EYS: variants seen among roughly 807,000 people sequenced by gnomAD.
EYS encodes the protein protein eyes shut homolog.
Under a neutral mutation model 282.1 loss-of-function variants are expected in EYS, and 250 were observed. The observed-to-expected ratio is 0.89, with a 90% CI of 0.80 to 0.98. EYS has a LOEUF of 0.98. Ranked by LOEUF, EYS falls within the 50% of genes least tolerant of loss-of-function variation. EYS has a pLI of 0.00. For missense variants in EYS, 4,016 were observed against 3,709.0 expected (o/e 1.08, Z -2.15); for synonymous variants, 1,355 against 1,282.9 (o/e 1.06, Z -1.20).
chr6:64,900,387 G>A (rs186408973), intron 18 of EYS, among the ~76,000 whole-genome samples: 39 of 152,094 alleles, frequency 2.6e-4, no homozygotes, highest in African/African-American at 7.7e-4. Flanking sequence ...AAATGGGATC[G>A]AATTAAACTA....
intron 30 of EYS, among the ~76,000 whole-genome samples, chr6:64,232,640 C>G (rs1221215098): frequency 6.6e-6 from 1 of 151,870 alleles, no homozygotes; most frequent in Non-Finnish European, 1.5e-5. Context: ...ATCCACCAGC[C>G]TCGGCCCCCC....
chr6:65,313,335 G>C (rs1450389859), intron 11 of EYS, among the ~76,000 whole-genome samples: 1 of 151,588 alleles, frequency 6.6e-6, no homozygotes, highest in Non-Finnish European at 1.5e-5. Flanking sequence ...TTAGAGTAAA[G>C]AAGTGACCCG....
chr6:64,461,504 AAC>A (rs1775745848), intron 26 of EYS, among the ~76,000 whole-genome samples: 1 of 152,200 alleles, frequency 6.6e-6, no homozygotes, highest in Non-Finnish European at 1.5e-5. Flanking sequence ...TATATATGGT[AAC>A]AGTCTGGTGG....
At chr6:65,220,001 G>A (rs1030370726) in intron 12 of EYS, among the ~76,000 whole-genome samples, 1 of 152,016 alleles carries the variant, frequency 6.6e-6, no homozygotes, top group African/African-American at 2.4e-5. Flanking sequence ...AGATTTGAGG[G>A]GGAGGCATAA....
chr6:65,533,619 G>A (rs1184621456), intron 2 of EYS, among the ~76,000 whole-genome samples: 2 of 152,078 alleles, frequency 1.3e-5, no homozygotes, highest in African/African-American at 4.8e-5. Context: ...GATTAGGTTA[G>A]AGGCCTCTGT....
chr6:65,003,880 T>G (rs182090827), intron 13 of EYS, among the ~76,000 whole-genome samples: 1 of 147,578 alleles, frequency 6.8e-6, no homozygotes, highest in Non-Finnish European at 1.5e-5. Context: ...CTCCTTTTTA[T>G]GCCTCAGCCA....
intron 41 of EYS, among the ~76,000 whole-genome samples, chr6:63,734,559 G>A (rs961705509): frequency 2.6e-5 from 4 of 152,116 alleles, no homozygotes; most frequent in African/African-American, 9.7e-5. Flanking sequence ...TTGTATCAGA[G>A]AAGTAGCAGT....
chr6:64,324,138 C>G (rs1238364678), intron 29 of EYS, among the ~76,000 whole-genome samples: 1 of 152,088 alleles, frequency 6.6e-6, no homozygotes, highest in Non-Finnish European at 1.5e-5. Flanking sequence ...TCTAGCAAAC[C>G]AGCATCAGCC....
rs77263695 is a variant in EYS, at chr6:65,433,137, T to C, written c.863-27770A>G. 2.0e-5 allele frequency among the ~76,000 whole-genome samples: 3 copies of C among 152,142 alleles called. No individual in the cohort carries two copies. In the East Asian group the frequency reaches 5.8e-4, roughly 29 times the overall value. On this transcript the variant is annotated intron_variant, in intron 5 of 42. Coordinates refer to ENST00000503581, the MANE Select transcript of EYS (RefSeq NM_001142800.2). ...CTATGGAGTCCATAGGAAAAGTCTA[T>C]TGAGCCTTTTCAGGTTATGGATTGT...
At chr6:65,120,549 C>T (rs1775511580) in intron 12 of EYS, among the ~76,000 whole-genome samples, 1 of 148,878 alleles carries the variant, frequency 6.7e-6, no homozygotes, top group Admixed American at 6.7e-5. Context: ...TTAATGCAAA[C>T]CATGTGGAGT....
At chr6:64,151,354 T>TATATATATATATATAA (rs1562226794) in intron 31 of EYS, among the ~76,000 whole-genome samples, 8 of 116,116 alleles carry the variant, frequency 6.9e-5, no homozygotes, top group East Asian at 4.7e-4. Context: ...TATATATATA[T>TATATATATATATATAA]ATATATATAA....
intron 1 of EYS, among the ~76,000 whole-genome samples, chr6:65,663,861 CTTTTCTTT>C (rs1768099181): frequency 1.1e-5 from 1 of 90,864 alleles, no homozygotes; most frequent in Non-Finnish European, 2.4e-5. Context: ...TTTGTTTTTT[CTTTTCTTT>C]TTTTTTTTTT....
chr6:65,390,601 G>A lies in EYS; in HGVS notation c.1185-6101C>T, dbSNP rs139796467. 2.8e-4 allele frequency among the ~76,000 whole-genome samples: 42 copies of A among 151,976 alleles called. No individual in the cohort carries two copies. The East Asian group carries it at 7.8e-3, about 28-fold the overall frequency. ...AAAGAAAGTGTAGAAAAAATATTGT[G>A]GGCTGGGCATGGTGGCTTATATCTG... is the stretch of plus-strand genomic sequence containing the variant. On this transcript the variant is annotated intron_variant, in intron 7 of 42. Transcript: ENST00000503581.
At chr6:64,729,882 G>T (rs1189333135) in intron 22 of EYS, among the ~76,000 whole-genome samples, 2 of 152,164 alleles carry the variant, frequency 1.3e-5, no homozygotes, top group Non-Finnish European at 2.9e-5. Context: ...GGTTTAACTG[G>T]TAAAATAGTT....
intron 29 of EYS, among the ~76,000 whole-genome samples, chr6:64,385,266 C>A (rs755937760): frequency 6.6e-6 from 1 of 152,124 alleles, no homozygotes; most frequent in African/African-American, 2.4e-5. Flanking sequence ...CAGTTTGTAT[C>A]AGTCATCTGG....
chr6:64,396,482 C>T (rs897280285), intron 28 of EYS, among the ~76,000 whole-genome samples: 1 of 151,950 alleles, frequency 6.6e-6, no homozygotes, highest in Non-Finnish European at 1.5e-5. Flanking sequence ...ACCAATTGAT[C>T]AATCTTTTCC....
intron 28 of EYS, among the ~76,000 whole-genome samples, chr6:64,408,341 A>T (rs1014039034): frequency 6.6e-6 from 1 of 152,188 alleles, no homozygotes; most frequent in African/African-American, 2.4e-5. Flanking sequence ...ATTAAGTCAC[A>T]CTATGCAACT....
intron 35 of EYS, among the ~76,000 whole-genome samples, chr6:63,932,990 T>C (rs1021035788): frequency 2.6e-5 from 4 of 152,238 alleles, no homozygotes; most frequent in African/African-American, 9.6e-5. Context: ...CTAGAGTGGC[T>C]TACAGAACTT....
intron 31 of EYS, among the ~76,000 whole-genome samples, chr6:64,112,950 C>G (rs548329838): frequency 3.4e-4 from 52 of 151,804 alleles, no homozygotes; most frequent in African/African-American, 1.1e-3. Context: ...ACTGCACTGG[C>G]ATCGTGAAAA....
Sources: allele counts gnomAD v4.1 joint callset (sites outside exome capture counted in the v4.1 genomes callset), GRCh38; gene constraint gnomAD v4.1.1; transcripts MANE v1.5; gene names NCBI Gene and HGNC (gene_info 2026-07-23, HGNC 2026-07-21).